The following USP8 variants were observed in gnomAD, a reference collection of about 807,000 sequenced individuals.
The protein encoded by USP8 is ubiquitin specific peptidase 8, also known as ubiquitin carboxyl-terminal hydrolase 8.
Under a neutral mutation model 130.0 loss-of-function variants are expected in USP8, and 27 were observed. The ratio of observed to expected loss-of-function variants is 0.21; its 90% CI spans 0.15 to 0.29. The LOEUF is 0.29. Ranked by LOEUF, USP8 falls within the 10% of genes least tolerant of loss-of-function variation. The probability of loss-of-function intolerance (pLI) is 1.00; values close to 1 mark genes in which losing one functional copy is unlikely to be tolerated. For missense variants in USP8, 1,029 were observed against 1,312.2 expected (o/e 0.78, Z 3.33); for synonymous variants, 392 against 444.1 (o/e 0.88, Z 1.48).
At chr15:50,424,627 G>C (rs1437368716) in intron 1 of USP8, 113 bp downstream of exon 1, 3 of 396,908 alleles carry the variant, frequency 7.6e-6, no homozygotes, top group African/African-American at 6.2e-5. Flanking sequence ...AGCTCTGTCC[G>C]CGGAGAGGAG....
intron 6 of USP8, among the ~76,000 whole-genome samples, chr15:50,464,420 A>G (rs1033453498): frequency 2.0e-5 from 3 of 152,152 alleles, no homozygotes; most frequent in Non-Finnish European, 4.4e-5. Flanking sequence ...AAAACATACT[A>G]TTTTCCTGAG....
At position 50,502,094 on chromosome 15, in the gene USP8, T is replaced by C. The variant is rs1426743990; in HGVS notation, c.*3006T>C. 2.6e-5 allele frequency: 4 copies of C among 152,078 alleles called. No homozygotes were observed. The highest frequency in any genetic ancestry group is 4.8e-5 in the African/African-American group (2 of 41,404). The allele number at this position is 152,078 out of a possible 1,614,324, so 9.4% of individuals were successfully genotyped here. A position where few individuals can be genotyped will look rare whatever the true frequency, so the allele number is the denominator to read the frequency against. On this transcript the variant is annotated 3_prime_UTR_variant, in exon 20 of 20. Coordinates refer to ENST00000307179, the MANE Select transcript of USP8 (RefSeq NM_005154.5). ...TGACCTCTGCTGTAGAGGAAGAAAA[T>C]TGATTATTTGTTAACTTATTTTTAA...
intron 17 of USP8, among the ~76,000 whole-genome samples, chr15:50,496,530 C>A (rs1015689647): frequency 6.1e-5 from 9 of 146,906 alleles, no homozygotes; most frequent in Admixed American, 4.8e-4. Context: ...AATATAAATT[C>A]TGTTTTATAA....
rs2051592270 is a variant in USP8, at chr15:50,477,072, T to TTG, written c.994+87_994+88dup. The TTG allele has an allele frequency of 2.6e-6, 4 of 1,551,018 alleles. No individual in the cohort carries two copies. The Admixed American group carries it at 8.4e-5, about 32-fold the overall frequency. ...ATTGTTTTCCCGGTAACATTCTTGGTTGTGTGTGTATTTGTCCTATTAGAG... is the reference window on the plus strand; with the variant it reads ...ATTGTTTTCCCGGTAACATTCTTGGTTGTGTGTGTGTATTTGTCCTATTAGAG... On this transcript the variant is annotated intron_variant, in intron 9 of 19. Coordinates refer to ENST00000307179, the MANE Select transcript of USP8 (RefSeq NM_005154.5).
chr15:50,434,656 C>T (rs1256393727), intron 1 of USP8, among the ~76,000 whole-genome samples: 1 of 151,676 alleles, frequency 6.6e-6, no homozygotes, highest in African/African-American at 2.4e-5. Context: ...TGCTGTGTCG[C>T]CCAGGTTGAA....
At chr15:50,487,353 G>A (rs956189066) in intron 12 of USP8, among the ~76,000 whole-genome samples, 1 of 147,664 alleles carries the variant, frequency 6.8e-6, no homozygotes, top group Non-Finnish European at 1.5e-5. Flanking sequence ...TTAACAATAA[G>A]AGAAAATGAA....
chr15:50,478,867 C>T (rs1196744677), intron 10 of USP8, among the ~76,000 whole-genome samples: 1 of 152,048 alleles, frequency 6.6e-6, no homozygotes, highest in African/African-American at 2.4e-5. Context: ...CCAGCCTGGT[C>T]AACATGGTGA....
At chr15:50,468,235 CTTTTT>C (rs71424068) in intron 7 of USP8, among the ~76,000 whole-genome samples, 1 of 105,514 alleles carries the variant, frequency 9.5e-6, no homozygotes, top group Non-Finnish European at 1.9e-5. Flanking sequence ...TGTACCTGGC[CTTTTT>C]TTTTTTTTTT....
chr15:50,430,818 C>T (rs2049905986), intron 1 of USP8, among the ~76,000 whole-genome samples: 1 of 152,114 alleles, frequency 6.6e-6, no homozygotes, highest in Non-Finnish European at 1.5e-5. Flanking sequence ...CAACATTTTC[C>T]ACATCGAATT....
At chr15:50,466,142 C>T (rs1201208244) in intron 7 of USP8, among the ~76,000 whole-genome samples, 4 of 152,090 alleles carry the variant, frequency 2.6e-5, no homozygotes, top group African/African-American at 7.2e-5. Flanking sequence ...TTCACTATTT[C>T]GAGCATTCTT....
At position 50,481,482 on chromosome 15, in the gene USP8, T is replaced by C; in HGVS notation, c.1220T>C (p.Ile407Thr). The C allele has an allele frequency of 6.3e-7, 1 of 1,581,232 alleles. No homozygotes were observed. Among genetic ancestry groups the C allele is most frequent in the Non-Finnish European group, 8.6e-7 (1 of 1,168,338 alleles). The change falls in exon 11 of 20, where the codon ATT becomes ACT. Residue 407 changes from isoleucine (I) to threonine (T), a missense_variant and splice_region_variant. Physicochemically the swap from Ile to Thr is moderately conservative, Grantham distance 89. Around this residue, in one of 4 missense-constraint regions of USP8, gnomAD observed 486 missense variants for 522.0 expected, o/e 0.93. Coordinates refer to ENST00000307179, the MANE Select transcript of USP8 (RefSeq NM_005154.5). Reference sequence around the variant, plus strand: ...TTTGCTCTGGTTTTGTTGCTCTAGATTGATCGTACTAAAAAACCAGCAGTC... The same window carrying C: ...TTTGCTCTGGTTTTGTTGCTCTAGACTGATCGTACTAAAAAACCAGCAGTC... ...PVPSIKNVPQ[I>T]DRTKKPAVKL...
intron 10 of USP8, among the ~76,000 whole-genome samples, chr15:50,480,327 G>A (rs1448379273): frequency 6.6e-6 from 1 of 152,112 alleles, no homozygotes; most frequent in Non-Finnish European, 1.5e-5. Context: ...AAGTTTTTAG[G>A]GAAGATTGCA....
At chr15:50,496,248 G>A (rs531510127) in intron 17 of USP8, among the ~76,000 whole-genome samples, 164 bp downstream of exon 17, 32 of 152,218 alleles carry the variant, frequency 2.1e-4, no homozygotes, top group Admixed American at 1.6e-3. Context: ...TTGGGAGGCC[G>A]AGGTGGGCGG....
chr15:50,455,708 A>C (rs919849002), intron 4 of USP8, among the ~76,000 whole-genome samples: 1 of 152,132 alleles, frequency 6.6e-6, no homozygotes, highest in African/African-American at 2.4e-5. Flanking sequence ...TAGGCAGTTA[A>C]CTTGGCTATA....
At chr15:50,431,574 T>C (rs1220970744) in intron 1 of USP8, among the ~76,000 whole-genome samples, 1 of 152,200 alleles carries the variant, frequency 6.6e-6, no homozygotes, top group Non-Finnish European at 1.5e-5. Flanking sequence ...ACTATTGAGA[T>C]AGGTGCCAGG....
intron 10 of USP8, among the ~76,000 whole-genome samples, chr15:50,478,881 C>G (rs1219264000): frequency 1.3e-5 from 2 of 151,890 alleles, no homozygotes; most frequent in Non-Finnish European, 2.9e-5. Context: ...ATGGTGAAAC[C>G]CCATCTCTAC....
chr15:50,432,033 T>C (rs2049950463), intron 1 of USP8, among the ~76,000 whole-genome samples: 1 of 152,220 alleles, frequency 6.6e-6, no homozygotes, highest in South Asian at 2.1e-4. Context: ...CACATCATCA[T>C]GAGCACTGCG....
At position 50,490,251 on chromosome 15, in the gene USP8, T is replaced by G; in HGVS notation, c.1972-12T>G. The G allele has an allele frequency of 6.3e-7, 1 of 1,581,544 alleles. No individual in the cohort carries two copies. Among genetic ancestry groups the G allele is most frequent in the Non-Finnish European group, 8.6e-7 (1 of 1,169,212 alleles). The stretch of plus-strand genomic sequence containing the variant: ...TTTTTTGACCTGTTTTTTTTTTTCT[T>G]TTCCATCTAAGTTTCTTGACCCAAT... On this transcript the variant is annotated splice_polypyrimidine_tract_variant and intron_variant, in intron 13 of 19. Coordinates refer to ENST00000307179, the MANE Select transcript of USP8 (RefSeq NM_005154.5).
intron 7 of USP8, among the ~76,000 whole-genome samples, chr15:50,470,095 A>G (rs901342364): frequency 3.3e-5 from 5 of 152,310 alleles, no homozygotes; most frequent in African/African-American, 9.6e-5. Flanking sequence ...GGCCTCCCAA[A>G]GGGCTGGGAT....
Sources: allele counts gnomAD v4.1 joint callset (sites outside exome capture counted in the v4.1 genomes callset), GRCh38; gene constraint gnomAD v4.1.1; regional missense constraint gnomAD v4.1.1; transcripts MANE v1.5; gene names NCBI Gene and HGNC (gene_info 2026-07-23, HGNC 2026-07-21).